UTRN: variants seen among roughly 807,000 people sequenced by gnomAD.
UTRN encodes the protein dystrophin-related protein 1.
In UTRN, 283 loss-of-function variants were observed where a neutral mutation model predicts 463.9. The ratio of observed to expected loss-of-function variants is 0.61; its 90% CI spans 0.55 to 0.67. The LOEUF (loss-of-function observed/expected upper bound fraction) is 0.67, where lower values mean the gene tolerates loss of function less well. Ranked by LOEUF, UTRN falls within the 30% of genes least tolerant of loss-of-function variation. UTRN has a pLI of 0.00. For synonymous variants in UTRN, 1,442 were observed against 1,431.5 expected (o/e 1.01, Z -0.17); for missense variants, 3,922 against 4,084.3 (o/e 0.96, Z 1.08).
chr6:144,358,560 C>T (rs1432887387), intron 2 of UTRN, among the ~76,000 whole-genome samples: 2 of 152,122 alleles, frequency 1.3e-5, no homozygotes, highest in Non-Finnish European at 2.9e-5. Context: ...AATTTTTATT[C>T]CTAATTTCTT....
Position 144,803,114 on chromosome 6 carries a change from A to G in UTRN, c.9324A>G (p.Lys3108=). ...FFSGRTAKGH[K]LHYPMVEYCI... ...CGGGTCGAACAGCAAAAGGTCACAA[A>G]TTACATTACCCAATGGTGGAATATT... Residue 3108 remains lysine, a synonymous_variant, in exon 65 of 75, where the codon AAA becomes AAG. Transcript: ENST00000367545. The G allele has an allele frequency of 6.3e-7, 1 of 1,595,478 alleles. No homozygotes were observed. Among genetic ancestry groups the G allele is most frequent in the Non-Finnish European group, 8.5e-7 (1 of 1,171,436 alleles).
At chr6:144,361,542 G>A (rs778800873) in intron 2 of UTRN, among the ~76,000 whole-genome samples, 22 of 152,068 alleles carry the variant, frequency 1.4e-4, no homozygotes, top group Non-Finnish European at 2.4e-4. Context: ...GGGGCATTGC[G>A]GGGCTGATAA....
chr6:144,775,712 G>A (rs1320170798), intron 60 of UTRN, among the ~76,000 whole-genome samples: 4 of 152,120 alleles, frequency 2.6e-5, no homozygotes, highest in African/African-American at 9.7e-5. Context: ...ATAAAATGAG[G>A]ACAAATGACT....
Position 144,476,807 on chromosome 6 carries a change from A to G in UTRN, c.3336+2048A>G, listed in dbSNP as rs559183106. Among the ~76,000 whole-genome samples, 216 of 152,304 alleles carry G rather than the reference A, an allele frequency of 1.4e-3. 2 individuals are homozygous for G. Among genetic ancestry groups the G allele is most frequent in the African/African-American group, 4.9e-3 (202 of 41,578 alleles). On this transcript the variant is annotated intron_variant, in intron 25 of 74. Coordinates refer to ENST00000367545, the MANE Select transcript of UTRN (RefSeq NM_007124.3). ...AATGAACTGGTGGGAAAAAAGTCAT[A>G]GTGGATAGTTCGAGGAGGGTATGGG...
chr6:144,324,062 C>A (rs902055644), intron 2 of UTRN, among the ~76,000 whole-genome samples: 2 of 152,140 alleles, frequency 1.3e-5, no homozygotes, highest in African/African-American at 4.8e-5. Context: ...TGGAGGCAGA[C>A]CTTTAGGGGT....
intron 23 of UTRN, 97 bp downstream of exon 23, chr6:144,462,963 C>A: frequency 9.9e-7 from 1 of 1,006,226 alleles, no homozygotes; most frequent in Non-Finnish European, 1.5e-6. Flanking sequence ...ATTTTACATT[C>A]TTTCTAGATC....
At chr6:144,548,889 G>A (rs776696078) in intron 47 of UTRN, 35 bp downstream of exon 47, 11 of 1,602,182 alleles carry the variant, frequency 6.9e-6, no homozygotes, top group South Asian at 6.7e-5. Flanking sequence ...TCATGGAAAC[G>A]CCACAACCCA....
At chr6:144,650,601 A>G (rs1256682196) in intron 51 of UTRN, among the ~76,000 whole-genome samples, 4 of 152,342 alleles carry the variant, frequency 2.6e-5, no homozygotes, top group Middle Eastern at 3.4e-3. Flanking sequence ...TTATTATTCA[A>G]TCTGGCTTTT....
intron 2 of UTRN, among the ~76,000 whole-genome samples, chr6:144,292,952 G>A (rs1365849646): frequency 1.3e-5 from 2 of 152,168 alleles, no homozygotes; most frequent in African/African-American, 2.4e-5. Context: ...GGTGTTGGTT[G>A]ATTGATAAAG....
chr6:144,353,306 G>A (rs1778274380), intron 2 of UTRN, among the ~76,000 whole-genome samples: 1 of 152,074 alleles, frequency 6.6e-6, no homozygotes, highest in Admixed American at 6.6e-5. Context: ...AGTAGAGATG[G>A]GGTTTCACCG....
At chr6:144,737,444 T>C (rs1354204267) in intron 54 of UTRN, among the ~76,000 whole-genome samples, 1 of 152,182 alleles carries the variant, frequency 6.6e-6, no homozygotes, top group Non-Finnish European at 1.5e-5. Context: ...TTTGGGACTT[T>C]CAACAGTAAA....
rs766359319 is a variant in UTRN, at chr6:144,771,964, C to T, written c.8553C>T (p.Ser2851=). Residue 2851 remains serine, a synonymous_variant, in exon 59 of 75, where the codon TCC becomes TCT. Transcript: ENST00000367545. The stretch of plus-strand genomic sequence containing the variant: ...CTAAAATGACCGAACTCTTTCAATC[C>T]CTTGGTAAGTGTTATTAATAGTAAT... The part of the protein sequence containing the change: ...DHPKMTELFQ[S]LADLNNVRFS... 11 of 1,555,700 alleles carry T rather than the reference C, an allele frequency of 7.1e-6. No homozygotes were observed. The African/African-American group carries it at 1.3e-4, about 18-fold the overall frequency.
intron 53 of UTRN, among the ~76,000 whole-genome samples, chr6:144,726,340 C>T (rs1430718364): frequency 2.0e-5 from 3 of 152,078 alleles, no homozygotes; most frequent in Admixed American, 2.0e-4. Context: ...TGAGGGCGCA[C>T]ACTGTGACAC....
At chr6:144,316,824 A>G (rs991920947) in intron 2 of UTRN, among the ~76,000 whole-genome samples, 2 of 151,924 alleles carry the variant, frequency 1.3e-5, no homozygotes, top group Non-Finnish European at 2.9e-5. Flanking sequence ...ATTAGTTAGG[A>G]CTTAGAGTAA....
At chr6:144,587,820 C>T (rs572379436) in intron 51 of UTRN, among the ~76,000 whole-genome samples, 1 of 152,228 alleles carries the variant, frequency 6.6e-6, no homozygotes, top group African/African-American at 2.4e-5. Context: ...CAATAACCAA[C>T]TCATACATAG....
At chr6:144,621,468 C>G (rs1057277576) in intron 51 of UTRN, among the ~76,000 whole-genome samples, 1 of 152,078 alleles carries the variant, frequency 6.6e-6, no homozygotes, top group African/African-American at 2.4e-5. Context: ...TGAATTGTCT[C>G]TCATCCCTTT....
intron 3 of UTRN, among the ~76,000 whole-genome samples, chr6:144,417,844 A>G (rs1015994789): frequency 6.6e-6 from 1 of 152,196 alleles, no homozygotes; most frequent in Non-Finnish European, 1.5e-5. Flanking sequence ...ATCATATGAC[A>G]TATTAATGAA....
chr6:144,527,957 C>G (rs867454928), intron 41 of UTRN, among the ~76,000 whole-genome samples: 1 of 151,444 alleles, frequency 6.6e-6, no homozygotes, highest in South Asian at 2.1e-4. Context: ...GTTTAATAAT[C>G]GACCTTCTGA....
At chr6:144,660,497 T>G (rs545410245) in intron 51 of UTRN, among the ~76,000 whole-genome samples, 48 of 152,286 alleles carry the variant, frequency 3.2e-4, no homozygotes, top group Non-Finnish European at 5.7e-4. Flanking sequence ...GCCTGTCACT[T>G]TTAGAATTCC....
Sources: allele counts gnomAD v4.1 joint callset (sites outside exome capture counted in the v4.1 genomes callset), GRCh38; gene constraint gnomAD v4.1.1; transcripts MANE v1.5; gene names NCBI Gene and HGNC (gene_info 2026-07-23, HGNC 2026-07-21).